The following FRAS1 variants were observed in gnomAD, a reference collection of about 807,000 sequenced individuals.
FRAS1 encodes the protein Fraser extracellular matrix complex subunit 1.
Under a neutral mutation model 435.2 loss-of-function variants are expected in FRAS1, and 290 were observed. That is an observed-to-expected ratio of 0.67 (90% CI 0.61 to 0.73). The LOEUF is 0.73. Among genes scored for constraint, FRAS1 ranks in the 30% least tolerant of loss-of-function variants. The pLI, the probability that FRAS1 is intolerant of heterozygous loss-of-function variation, is 0.00. For synonymous variants in FRAS1, 1,800 were observed against 1,851.0 expected (o/e 0.97, Z 0.71); for missense variants, 4,860 against 5,001.5 (o/e 0.97, Z 0.85).
At chr4:78,445,752 A>G in intron 42 of FRAS1, 40 bp downstream of exon 42, 1 of 1,611,742 alleles carries the variant, frequency 6.2e-7, no homozygotes, top group Non-Finnish European at 8.5e-7. Flanking sequence ...GCCCTTGACC[A>G]CAATATTTCA....
chr4:78,133,348 G>C (rs576838037), intron 2 of FRAS1, among the ~76,000 whole-genome samples: 4 of 150,526 alleles, frequency 2.7e-5, no homozygotes, highest in African/African-American at 9.7e-5. Flanking sequence ...GAGATAGAAA[G>C]TAGAAGGATG....
rs1433059189 is a variant in FRAS1 at position 78,387,625 on chromosome 4, C to T, written c.3899C>T (p.Ser1300Phe). The part of the protein sequence containing the change: ...HYAHDGSDST[S>F]DVAVLQANDG... ...GCTCATGATGGTTCAGACAGCACAT[C>T]CGATGTTGCAGTCTTGCAGGCCAAT... The change falls in exon 29 of 74, where the codon TCC becomes TTC. Residue 1300 changes from serine to phenylalanine, a missense_variant. By Grantham distance (155) the Ser-to-Phe change is radical. Transcript: ENST00000512123. The T allele has an allele frequency of 6.2e-7, 1 of 1,609,930 alleles. No individual in the cohort carries two copies. The highest frequency in any genetic ancestry group is 8.5e-7 in the Non-Finnish European group (1 of 1,177,134).
intron 68 of FRAS1, among the ~76,000 whole-genome samples, chr4:78,522,387 C>T (rs17470811): frequency 6.6e-6 from 1 of 152,032 alleles, no homozygotes; most frequent in Admixed American, 6.6e-5. Flanking sequence ...CTCATTAGCA[C>T]CATTTCCACA....
intron 29 of FRAS1, among the ~76,000 whole-genome samples, chr4:78,399,522 A>G (rs1732800202): frequency 6.6e-6 from 1 of 152,128 alleles, no homozygotes; most frequent in South Asian, 2.1e-4. Flanking sequence ...GAGGCTTTGG[A>G]AGAGGGTTTG....
intron 32 of FRAS1, 92 bp downstream of exon 32, chr4:78,413,177 T>TA: frequency 1.5e-6 from 1 of 684,860 alleles, no homozygotes; most frequent in Non-Finnish European, 2.4e-6. Flanking sequence ...TTGTATATAG[T>TA]AAGTGCCTGG....
chr4:78,341,079 C>G (rs1159745444), intron 20 of FRAS1, among the ~76,000 whole-genome samples: 3 of 151,954 alleles, frequency 2.0e-5, no homozygotes, highest in African/African-American at 7.3e-5. Flanking sequence ...TGAGATGAGC[C>G]CATGGAACAG....
intron 2 of FRAS1, among the ~76,000 whole-genome samples, chr4:78,123,145 A>T (rs1254956972): frequency 1.3e-5 from 2 of 152,062 alleles, no homozygotes; most frequent in Non-Finnish European, 2.9e-5. Flanking sequence ...TGTTCAGTTG[A>T]TTTTTGTATA....
At chr4:78,160,292 C>T (rs1721083217) in intron 2 of FRAS1, among the ~76,000 whole-genome samples, 1 of 152,230 alleles carries the variant, frequency 6.6e-6, no homozygotes, top group African/African-American at 2.4e-5. Flanking sequence ...TGGAGGACTA[C>T]AGGTCAAGCG....
rs1292568627 is a variant in FRAS1 at position 78,379,773 on chromosome 4, C to G, written c.3340C>G (p.Pro1114Ala). The change falls in exon 27 of 74, where the codon CCA (proline) becomes GCA (alanine). Residue 1114 changes from proline to alanine, a missense_variant. By Grantham distance (27) the Pro-to-Ala change is conservative. Transcript: ENST00000512123. Reference sequence around the variant, plus strand: ...TCATGTGAATGGTTCCCTGATCCTCCCAATTGGTTCAATAAAGCCACTGGA... The same window carrying G: ...TCATGTGAATGGTTCCCTGATCCTCGCAATTGGTTCAATAAAGCCACTGGA... ...SLHVNGSLIL[P>A]IGSIKPLDFS... The G allele has an allele frequency of 6.2e-7, 1 of 1,613,680 alleles. No homozygotes were observed. Among genetic ancestry groups the G allele is most frequent in the Non-Finnish European group, 8.5e-7 (1 of 1,179,786 alleles).
chr4:78,089,705 G>A (rs898806121), intron 2 of FRAS1, among the ~76,000 whole-genome samples: 1 of 152,074 alleles, frequency 6.6e-6, no homozygotes, highest in Non-Finnish European at 1.5e-5. Context: ...AAATAAATAA[G>A]AGGAAATAGA....
At chr4:78,266,165 A>G (rs1726343445) in intron 7 of FRAS1, among the ~76,000 whole-genome samples, 1 of 152,126 alleles carries the variant, frequency 6.6e-6, no homozygotes, top group Non-Finnish European at 1.5e-5. Context: ...GGGTTTCTCA[A>G]TTCAGGTCTC....
intron 14 of FRAS1, among the ~76,000 whole-genome samples, chr4:78,288,905 G>A (rs1038143496): frequency 6.6e-6 from 1 of 152,106 alleles, no homozygotes; most frequent in African/African-American, 2.4e-5. Context: ...CTTCCAATAC[G>A]TGCTAAACTT....
At position 78,290,264 on chromosome 4, in the gene FRAS1, T is replaced by C; in HGVS notation, c.1534+3725T>C. Among the ~76,000 whole-genome samples, 2 of 152,222 alleles carry C rather than the reference T, an allele frequency of 1.3e-5. 1 individual carries two copies. The highest frequency in any genetic ancestry group is 2.9e-5 in the Non-Finnish European group (2 of 68,036). On this transcript the variant is annotated intron_variant, in intron 14 of 73. Transcript: ENST00000512123. ...TAGCCCATTTTTATACGTGTATCAATGTTTTGTTTGTCTACTTAAAACTTA... is the reference window on the plus strand; with the variant it reads ...TAGCCCATTTTTATACGTGTATCAACGTTTTGTTTGTCTACTTAAAACTTA...
At chr4:78,120,484 T>C (rs1278080301) in intron 2 of FRAS1, among the ~76,000 whole-genome samples, 2 of 152,210 alleles carry the variant, frequency 1.3e-5, no homozygotes, top group African/African-American at 2.4e-5. Context: ...TATACAGGCA[T>C]GACAGTCCAG....
At chr4:78,463,447 G>C (rs1719432357) in intron 47 of FRAS1, among the ~76,000 whole-genome samples, 1 of 152,178 alleles carries the variant, frequency 6.6e-6, no homozygotes, top group African/African-American at 2.4e-5. Flanking sequence ...GTTACTGCCT[G>C]ACTGGCTAAA....
chr4:78,321,877 A>G (rs1729524306), intron 18 of FRAS1, among the ~76,000 whole-genome samples: 1 of 150,574 alleles, frequency 6.6e-6, no homozygotes, highest in African/African-American at 2.4e-5. Context: ...TAATCCTGCC[A>G]GAATGGTTTC....
At chr4:78,387,918 C>CT (rs1014659007) in intron 29 of FRAS1, among the ~76,000 whole-genome samples, 2 of 152,130 alleles carry the variant, frequency 1.3e-5, no homozygotes, top group African/African-American at 4.8e-5. Flanking sequence ...ACTTTTGAAC[C>CT]TTTTTTGTTG....
chr4:78,424,903 T>A (rs1578316040), intron 35 of FRAS1, among the ~76,000 whole-genome samples: 1 of 152,066 alleles, frequency 6.6e-6, no homozygotes, highest in East Asian at 1.9e-4. Context: ...GCACTGCAGC[T>A]TGGACAATAG....
At chr4:78,327,969 C>A (rs958267424) in intron 18 of FRAS1, among the ~76,000 whole-genome samples, 2 of 152,198 alleles carry the variant, frequency 1.3e-5, no homozygotes, top group African/African-American at 4.8e-5. Flanking sequence ...CCAGCGTATT[C>A]TTTTCCCTCT....
Sources: allele counts gnomAD v4.1 joint callset (sites outside exome capture counted in the v4.1 genomes callset), GRCh38; gene constraint gnomAD v4.1.1; transcripts MANE v1.5; gene names NCBI Gene and HGNC (gene_info 2026-07-23, HGNC 2026-07-21).